Variants in DHRSX observed in about 807,000 individuals in gnomAD.
DHRSX encodes dehydrogenase/reductase X-linked, also known as polyprenol dehydrogenase.
A neutral mutation model predicts 34.0 loss-of-function variants in DHRSX; 31 were observed. That is an observed-to-expected ratio of 0.91 (90% CI 0.69 to 1.23). The LOEUF (loss-of-function observed/expected upper bound fraction) is 1.23. Among genes scored for constraint, DHRSX ranks in the 50% most tolerant of loss-of-function variants. DHRSX has a pLI of 0.00. For missense variants in DHRSX, 414 were observed against 428.1 expected (o/e 0.97, Z 0.29); for synonymous variants, 201 against 183.8 (o/e 1.09, Z -0.76).
At chrX:2,466,853 G>T (rs1226652585) in intron 1 of DHRSX, among the ~76,000 whole-genome samples, 1 of 152,022 alleles carries the variant, frequency 6.6e-6, no homozygotes, top group Non-Finnish European at 1.5e-5. Flanking sequence ...ATCACCTGAG[G>T]CAAGGAGTTC....
At chrX:2,455,776 C>T (rs1165672762) in intron 1 of DHRSX, among the ~76,000 whole-genome samples, 1 of 148,250 alleles carries the variant, frequency 6.7e-6, no homozygotes, top group East Asian at 2.0e-4. Flanking sequence ...AAAAAGCACA[C>T]ACAAAACACT....
At chrX:2,319,542 C>CAAAAAAAAA (rs776261461) in intron 3 of DHRSX, among the ~76,000 whole-genome samples, 7 of 107,364 alleles carry the variant, frequency 6.5e-5, no homozygotes, top group African/African-American at 2.5e-4. Flanking sequence ...GACTCCATCT[C>CAAAAAAAAA]AAAAAAAAAA....
At chrX:2,286,692 G>GAAAA in intron 4 of DHRSX, among the ~76,000 whole-genome samples, 1 of 146,924 alleles carries the variant, frequency 6.8e-6, no homozygotes, top group South Asian at 2.2e-4. Context: ...ACCCACAGAG[G>GAAAA]AAAAAAAAAA....
At chrX:2,389,938 G>C (rs1198901901) in intron 3 of DHRSX, among the ~76,000 whole-genome samples, 1 of 151,934 alleles carries the variant, frequency 6.6e-6, no homozygotes, top group Non-Finnish European at 1.5e-5. Context: ...GAGCCACCAT[G>C]CCAGGCTAGT....
At chrX:2,326,334 C>T (rs1273409471) in intron 3 of DHRSX, among the ~76,000 whole-genome samples, 2 of 152,034 alleles carry the variant, frequency 1.3e-5, no homozygotes, top group African/African-American at 4.8e-5. Flanking sequence ...ACCAGCCTGG[C>T]CAACATAGTG....
At position 2,440,344 on chromosome X, in the gene DHRSX, G is replaced by A. The variant is rs1053542093; in HGVS notation, c.110-15040C>T. Among the ~76,000 whole-genome samples, 10 of 151,672 alleles carry A rather than the reference G, an allele frequency of 6.6e-5. No individual in the cohort carries two copies. In the South Asian group the frequency reaches 2.1e-3, roughly 32 times the overall value. On this transcript the variant is annotated intron_variant, in intron 1 of 6. Transcript: ENST00000334651. ...GCCTCCTGAGTAGCTGGGACTACAG[G>A]TGTGCACCAGCATGGCCAGATAATT...
At chrX:2,382,678 C>CCAT (rs2043220512) in intron 3 of DHRSX, among the ~76,000 whole-genome samples, 1 of 52,172 alleles carries the variant, frequency 1.9e-5, no homozygotes, top group African/African-American at 6.9e-5. Flanking sequence ...ATCATCATCA[C>CCAT]CATCACCATC....
At chrX:2,337,573 TAC>T (rs2124558530) in intron 3 of DHRSX, among the ~76,000 whole-genome samples, 1 of 152,216 alleles carries the variant, frequency 6.6e-6, no homozygotes, top group African/African-American at 2.4e-5. Context: ...GGAGAAAATT[TAC>T]AGTTGCTGTT....
chrX:2,362,480 T>C (rs1487653792), intron 3 of DHRSX, among the ~76,000 whole-genome samples: 5 of 152,182 alleles, frequency 3.3e-5, no homozygotes, highest in Non-Finnish European at 1.5e-5. Context: ...TTTGTATTTT[T>C]AGTAGAGATG....
chrX:2,294,058 C>CAGAGAGAG (rs779129649), intron 3 of DHRSX, among the ~76,000 whole-genome samples: 5,225 of 148,952 alleles, frequency 0.035, 313 homozygotes, highest in African/African-American at 0.12. Context: ...AAGATAGAAG[C>CAGAGAGAG]AGAGAGAGAG....
At chrX:2,446,475 G>A (rs28566924) in intron 1 of DHRSX, among the ~76,000 whole-genome samples, 34,466 of 151,486 alleles carry the variant, frequency 0.23, 4,272 homozygotes, top group African/African-American at 0.32. Flanking sequence ...CTCGAGGCTT[G>A]TGGCTAAGGG....
At chrX:2,248,610 T>C (rs1300169463) in intron 5 of DHRSX, among the ~76,000 whole-genome samples, 9 of 22,264 alleles carry the variant, frequency 4.0e-4, no homozygotes, top group Admixed American at 3.2e-3. Context: ...CAAGACTCTG[T>C]CTCAAAAAAA....
intron 1 of DHRSX, among the ~76,000 whole-genome samples, chrX:2,444,888 A>G (rs987882131): frequency 2.0e-5 from 3 of 151,886 alleles, no homozygotes; most frequent in African/African-American, 7.3e-5. Context: ...TGGGCGGAGT[A>G]GCTCACACCT....
In DHRSX at chrX:2,245,525, G is replaced by T. The variant is rs1376446901; in HGVS notation, c.597-2295C>A. Among the ~76,000 whole-genome samples, 5 of 150,166 alleles carry T rather than the reference G, an allele frequency of 3.3e-5. No individual in the cohort carries two copies. In the Admixed American group the frequency reaches 3.3e-4, roughly 10 times the overall value. On this transcript the variant is annotated intron_variant, in intron 5 of 6. Transcript: ENST00000334651. The stretch of plus-strand genomic sequence containing the variant: ...GGGTTTCACCATGTTGGCCAGGCTG[G>T]TCTCGAACTCCTGACCTCAGGTGAT...
At chrX:2,455,192 G>C (rs28859106) in intron 1 of DHRSX, among the ~76,000 whole-genome samples, 29,696 of 151,388 alleles carry the variant, frequency 0.2, 3,860 homozygotes, top group African/African-American at 0.37. Context: ...AACTTACACA[G>C]CAACAGAAGA....
chrX:2,323,184 A>AG (rs2042334420), intron 3 of DHRSX, among the ~76,000 whole-genome samples: 2 of 152,208 alleles, frequency 1.3e-5, no homozygotes, highest in Non-Finnish European at 2.9e-5. Flanking sequence ...AAGTTATCCA[A>AG]CCAACAAGCA....
intron 4 of DHRSX, among the ~76,000 whole-genome samples, chrX:2,283,011 G>C (rs966254339): frequency 2.2e-4 from 34 of 151,674 alleles, no homozygotes; most frequent in South Asian, 1.5e-3. Context: ...GGTGGAAAGA[G>C]AGAATGACAG....
chrX:2,262,157 G>A (rs1041597347), intron 5 of DHRSX, among the ~76,000 whole-genome samples: 4 of 152,204 alleles, frequency 2.6e-5, no homozygotes, highest in African/African-American at 9.7e-5. Context: ...TCATGGCAGG[G>A]CTGTTCTTGC....
chrX:2,363,951 G>A (rs185631379), intron 3 of DHRSX, among the ~76,000 whole-genome samples: 1 of 151,398 alleles, frequency 6.6e-6, no homozygotes, highest in African/African-American at 2.4e-5. Context: ...AACACACAGG[G>A]ACTGAGGTGA....
Sources: gnomAD v4.1 joint callset for allele counts (sites outside exome capture counted in the v4.1 genomes callset) on GRCh38, gnomAD v4.1.1 for gene constraint, MANE v1.5 for transcripts, NCBI Gene and HGNC (gene_info 2026-07-23, HGNC 2026-07-21) for gene names.